Variants in SPATS2L observed in about 807,000 individuals in gnomAD.
SPATS2L encodes the protein SPATS2-like protein.
SPATS2L carries 30 observed loss-of-function variants against 59.6 expected under a neutral mutation model. The ratio of observed to expected loss-of-function variants is 0.50; its 90% CI spans 0.38 to 0.68. The LOEUF (loss-of-function observed/expected upper bound fraction) is 0.68. Among genes scored for constraint, SPATS2L ranks in the 30% least tolerant of loss-of-function variants. The pLI, the probability that SPATS2L is intolerant of heterozygous loss-of-function variation, is 0.00. For synonymous variants in SPATS2L, 252 were observed against 263.5 expected (o/e 0.96, Z 0.42); for missense variants, 615 against 700.0 (o/e 0.88, Z 1.37).
intron 8 of SPATS2L, among the ~76,000 whole-genome samples, chr2:200,442,987 T>G (rs1471923793): frequency 6.6e-6 from 1 of 152,244 alleles, no homozygotes; most frequent in Non-Finnish European, 1.5e-5. Context: ...GACATTTAGA[T>G]CAACCATTTT....
chr2:200,373,510 C>A (rs576491269), intron 2 of SPATS2L, among the ~76,000 whole-genome samples: 2 of 152,240 alleles, frequency 1.3e-5, no homozygotes, highest in African/African-American at 4.8e-5. Context: ...TTTTCTAATA[C>A]CTCCTCGCAT....
chr2:200,433,802 T>A (rs2084097298), intron 6 of SPATS2L, among the ~76,000 whole-genome samples: 1 of 152,074 alleles, frequency 6.6e-6, no homozygotes, highest in African/African-American at 2.4e-5. Flanking sequence ...ACACTATGCT[T>A]ACCAAGGAAA....
At position 200,385,894 on chromosome 2, in the gene SPATS2L, T is replaced by C. The variant is rs540235032; in HGVS notation, c.-22-3329T>C. Among the ~76,000 whole-genome samples the C allele has an allele frequency of 5.3e-4, 80 of 152,108 alleles. 1 individual carries two copies. Among genetic ancestry groups the C allele is most frequent in the African/African-American group, 1.3e-3 (56 of 41,508 alleles). ...ATTTTTAGTGGAGACAGGGTTTCAC[T>C]GTGTTAGCCAGGATGGTCTCGATCT... On this transcript the variant is annotated intron_variant, in intron 2 of 12. Coordinates refer to ENST00000409140, the MANE Select transcript of SPATS2L (RefSeq NM_001100423.2).
At chr2:200,309,737 A>G (rs1217764206) in intron 1 of SPATS2L, among the ~76,000 whole-genome samples, 1 of 152,254 alleles carries the variant, frequency 6.6e-6, no homozygotes, top group Non-Finnish European at 1.5e-5. Context: ...AAAACCCAGT[A>G]AACATAATTA....
At chr2:200,436,994 C>G (rs2084342647) in intron 6 of SPATS2L, among the ~76,000 whole-genome samples, 1 of 152,092 alleles carries the variant, frequency 6.6e-6, no homozygotes, top group Non-Finnish European at 1.5e-5. Flanking sequence ...GCACCTCTCC[C>G]CTCACTCTCT....
intron 1 of SPATS2L, chr2:200,308,875 A>G (rs1574351354): frequency 1.7e-6 from 1 of 576,208 alleles, no homozygotes; most frequent in Non-Finnish European, 3.1e-6. Flanking sequence ...TTTTGTATTC[A>G]TTTTGTTTTA....
chr2:200,476,961 G>A (rs1274436462), intron 12 of SPATS2L, among the ~76,000 whole-genome samples: 1 of 152,204 alleles, frequency 6.6e-6, no homozygotes, highest in Non-Finnish European at 1.5e-5. Flanking sequence ...TTCTTCCCCT[G>A]AAGTACTGCC....
chr2:200,437,991 T>C (rs1047154793), intron 6 of SPATS2L, among the ~76,000 whole-genome samples: 4 of 152,178 alleles, frequency 2.6e-5, no homozygotes, highest in Admixed American at 2.6e-4. Context: ...CAAAACAGAA[T>C]TGAACTCAGT....
chr2:200,404,297 C>T (rs570337966), intron 3 of SPATS2L, among the ~76,000 whole-genome samples: 6 of 152,172 alleles, frequency 3.9e-5, no homozygotes, highest in Non-Finnish European at 8.8e-5. Flanking sequence ...ATAGGGGAAC[C>T]TGTCTGGGTT....
intron 1 of SPATS2L, among the ~76,000 whole-genome samples, chr2:200,314,149 T>C (rs1273196365): frequency 6.6e-6 from 1 of 152,220 alleles, no homozygotes; most frequent in Non-Finnish European, 1.5e-5. Context: ...GTTCCAAATG[T>C]CTTTAACTCG....
At position 200,479,613 on chromosome 2, in the gene SPATS2L, C is replaced by CT. The variant is rs1230110633; in HGVS notation, c.*1585dup. On this transcript the variant is annotated 3_prime_UTR_variant, in exon 13 of 13. Coordinates refer to ENST00000409140, the MANE Select transcript of SPATS2L (RefSeq NM_001100423.2). Reference sequence around the variant, plus strand: ...CCCAAAATAGCCCCAGTTCCCCTAACTTTGACTACAGGGCAGTCCAGTTTG... The same window carrying CT: ...CCCAAAATAGCCCCAGTTCCCCTAACTTTTGACTACAGGGCAGTCCAGTTTG... 5.0e-6 allele frequency: 2 copies of CT among 398,542 alleles called. No homozygotes were observed. Among genetic ancestry groups the CT allele is most frequent in the Admixed American group, 8.8e-5 (2 of 22,716 alleles). 24.7% of individuals were successfully genotyped at this position (398,542 alleles called of 1,614,324 possible).
chr2:200,370,034 T>A (rs1029853140), intron 2 of SPATS2L, among the ~76,000 whole-genome samples: 3 of 152,338 alleles, frequency 2.0e-5, no homozygotes, highest in African/African-American at 7.2e-5. Flanking sequence ...AGGCCCTTAG[T>A]GCCTCGTCAT....
At chr2:200,458,764 G>A (rs72924113) in intron 8 of SPATS2L, among the ~76,000 whole-genome samples, 54,380 of 151,830 alleles carry the variant, frequency 0.36, 10,940 homozygotes, top group Non-Finnish European at 0.45. Context: ...GGACAGTTGG[G>A]GAAATTTGAA....
In SPATS2L at chr2:200,439,172, C is replaced by A; in HGVS notation, c.496C>A (p.Pro166Thr). 1 of 1,613,692 alleles carries A rather than the reference C, an allele frequency of 6.2e-7. No individual in the cohort carries two copies. The highest frequency in any genetic ancestry group is 8.5e-7 in the Non-Finnish European group (1 of 1,179,720). ...ACTATCCTTAGATGGGAACCCCAAA[C>A]CTATACATGGAACAACAGAGAGGTC... ...QKLSLDGNPK[P>T]IHGTTERSDG... is the part of the protein sequence containing the mutation. Residue 166 changes from proline (P) to threonine (T), a missense_variant, in exon 7 of 13, where the codon CCT becomes ACT. Pro to Thr is a conservative substitution (Grantham distance 38). This residue lies in a region of SPATS2L where 227 missense variants were observed against 257.4 expected (regional missense o/e 0.88). Coordinates refer to ENST00000409140, the MANE Select transcript of SPATS2L (RefSeq NM_001100423.2).
At position 200,446,543 on chromosome 2, in the gene SPATS2L, G is replaced by A. The variant is rs1426164856; in HGVS notation, c.788+5759G>A. Among the ~76,000 whole-genome samples the A allele has an allele frequency of 2.6e-5, 4 of 152,254 alleles. No individual in the cohort carries two copies. In the East Asian group the frequency reaches 7.7e-4, roughly 29 times the overall value. On this transcript the variant is annotated intron_variant, in intron 8 of 12. Transcript: ENST00000409140. ...GCTGGCATCCGTTAGGTAGAGGCTAGGGATGCTGCTAACCGTCTCTCCCAC... is the reference window on the plus strand; with the variant it reads ...GCTGGCATCCGTTAGGTAGAGGCTAAGGATGCTGCTAACCGTCTCTCCCAC...
chr2:200,395,329 A>T (rs1324030353), intron 3 of SPATS2L, among the ~76,000 whole-genome samples: 1 of 152,252 alleles, frequency 6.6e-6, no homozygotes, highest in Non-Finnish European at 1.5e-5. Context: ...AAAGTAAAGA[A>T]GATCTTTGTA....
At chr2:200,306,320 C>A, upstream of SPATS2L, 2 of 1,002,236 alleles carry the variant, frequency 2.0e-6, no homozygotes, top group Non-Finnish European at 2.4e-6. Context: ...TCTTGCAACA[C>A]GTGCGGATTG....
intron 2 of SPATS2L, among the ~76,000 whole-genome samples, chr2:200,346,642 C>T (rs1296714579): frequency 6.6e-6 from 1 of 152,108 alleles, no homozygotes; most frequent in African/African-American, 2.4e-5. Context: ...TATGATGTGT[C>T]TTCGTGACTA....
intron 2 of SPATS2L, among the ~76,000 whole-genome samples, chr2:200,334,945 G>A (rs1191260868): frequency 7.2e-5 from 11 of 152,134 alleles, no homozygotes; most frequent in Admixed American, 4.6e-4. Context: ...GTTAGATAGC[G>A]TGATGCCTCC....
Sources: gnomAD v4.1 joint callset for allele counts (sites outside exome capture counted in the v4.1 genomes callset) on GRCh38, gnomAD v4.1.1 for gene constraint, gnomAD v4.1.1 regional missense constraint, MANE v1.5 for transcripts, NCBI Gene and HGNC (gene_info 2026-07-23, HGNC 2026-07-21) for gene names.